Variants in RANBP3 observed in about 807,000 individuals in gnomAD.
RANBP3 encodes ran-binding protein 3.
A neutral mutation model predicts 77.3 loss-of-function variants in RANBP3; 14 were observed. That is an observed-to-expected ratio of 0.18 (90% CI 0.12 to 0.28). The LOEUF is 0.28. Ranked by LOEUF, RANBP3 falls within the 10% of genes least tolerant of loss-of-function variation. The pLI, the probability that RANBP3 is intolerant of heterozygous loss-of-function variation, is 1.00. For synonymous variants in RANBP3, 315 were observed against 312.4 expected, an observed-to-expected ratio of 1.01 and a Z score of -0.09; for missense variants, 586 against 752.3, an observed-to-expected ratio of 0.78 and a Z score of 2.59.
rs896299322 is a variant in RANBP3 at position 5,924,676 on chromosome 19, C to G, written c.996+151G>C. The stretch of plus-strand genomic sequence containing the variant: ...GCCCTGGCCAGTTTTCAGGCTGAGT[C>G]TGAGCAGGGTCTTCCCTCTCTCACT... On this transcript the variant is annotated intron_variant, in intron 11 of 16. Coordinates refer to ENST00000340578, the MANE Select transcript of RANBP3 (RefSeq NM_007322.3). This position sits in a 1 kb window ranked among gnomAD's most constrained non-coding sequence, Gnocchi z 4.7. The G allele has an allele frequency of 2.8e-5, 23 of 816,538 alleles. No individual in the cohort carries two copies. Among genetic ancestry groups the G allele is most frequent in the Non-Finnish European group, 2.0e-6 (1 of 489,080 alleles). 50.6% of individuals were successfully genotyped at this position (816,538 alleles called of 1,614,324 possible).
chr19:5,923,236 C>T lies in RANBP3; in HGVS notation c.1167G>A (p.Val389=). The T allele has an allele frequency of 6.2e-7, 1 of 1,614,264 alleles. No individual in the cohort carries two copies. The highest frequency in any genetic ancestry group is 1.7e-5 in the Admixed American group (1 of 60,036). ...ATARKCLLEK[V]EVITGEEAES... is the part of the protein sequence containing the mutation. ...CCGCCTCCTCCCCGGTGATGACTTC[C>T]ACTTTTTCCAACAAACACTTCCGCG... is the stretch of plus-strand genomic sequence containing the variant. Residue 389 remains valine (V), a synonymous_variant, in exon 13 of 17, where the codon GTG becomes GTA. Coordinates refer to ENST00000340578, the MANE Select transcript of RANBP3 (RefSeq NM_007322.3).
rs964438354 is a variant in RANBP3 at position 5,952,556 on chromosome 19, G to A, written c.79-960C>T. ...GTCCCCAAACCTCCCTCTTGGCATCGTCCAACGACATGGAGCCATTTCTCG... is the reference window on the plus strand; with the variant it reads ...GTCCCCAAACCTCCCTCTTGGCATCATCCAACGACATGGAGCCATTTCTCG... On this transcript the variant is annotated intron_variant, in intron 2 of 16. Coordinates refer to ENST00000340578, the MANE Select transcript of RANBP3 (RefSeq NM_007322.3). This position sits in a 1 kb window ranked among gnomAD's most constrained non-coding sequence, Gnocchi z 4.1. Among the ~76,000 whole-genome samples the A allele has an allele frequency of 1.1e-4, 17 of 152,282 alleles. No individual in the cohort carries two copies. Among genetic ancestry groups the A allele is most frequent in the African/African-American group, 4.1e-4 (17 of 41,552 alleles).
intron 1 of RANBP3, chr19:5,965,788 T>C (rs1314994579): frequency 1.3e-5 from 2 of 151,910 alleles, no homozygotes; most frequent in African/African-American, 4.8e-5. Flanking sequence ...CATCCACAAA[T>C]GGGGTCTCCC....
intron 3 of RANBP3, 120 bp from the exon 4 acceptor site, chr19:5,941,955 G>C (rs1461320358): frequency 1.4e-5 from 15 of 1,111,018 alleles, no homozygotes; most frequent in Middle Eastern, 2.9e-4. Context: ...CCAGAGCCCA[G>C]CACCCGAATG....
chr19:5,919,869 CCA>C (rs1046369784), intron 14 of RANBP3, among the ~76,000 whole-genome samples: 3 of 149,470 alleles, frequency 2.0e-5, no homozygotes, highest in Non-Finnish European at 4.4e-5. Context: ...CCACTGCACT[CCA>C]GACTGGGCAA....
chr19:5,961,492 G>A (rs148527431), intron 1 of RANBP3, among the ~76,000 whole-genome samples: 384 of 152,160 alleles, frequency 2.5e-3, no homozygotes, highest in African/African-American at 8.9e-3. Context: ...CAGCATTTTG[G>A]GAGGCCGAGG....
At chr19:5,953,258 T>G (rs1271134832) in intron 2 of RANBP3, among the ~76,000 whole-genome samples, 4 of 152,220 alleles carry the variant, frequency 2.6e-5, no homozygotes, top group Admixed American at 2.0e-4. Flanking sequence ...GTCCTAGCAT[T>G]TCTCCTGGGC....
intron 1 of RANBP3, among the ~76,000 whole-genome samples, chr19:5,960,320 C>T (rs377612002): frequency 6.7e-4 from 102 of 152,330 alleles, no homozygotes; most frequent in African/African-American, 2.4e-3. Context: ...GAGAGAGGCG[C>T]GGTCCAGCCA....
rs2058286238 is a variant in RANBP3 at position 5,952,336 on chromosome 19, G to T, written c.79-740C>A. Among the ~76,000 whole-genome samples the T allele has an allele frequency of 1.3e-5, 2 of 152,122 alleles. No homozygotes were observed. The highest frequency in any genetic ancestry group is 6.5e-5 in the Admixed American group (1 of 15,270). ...TGCATCCTCAACACCCCAGGCAAGGGCTCATTTGGAAAGCTGCCAAGGTGA... is the reference window on the plus strand; with the variant it reads ...TGCATCCTCAACACCCCAGGCAAGGTCTCATTTGGAAAGCTGCCAAGGTGA... On this transcript the variant is annotated intron_variant, in intron 2 of 16. Transcript: ENST00000340578. This position sits in a 1 kb window ranked among gnomAD's most constrained non-coding sequence, Gnocchi z 4.1.
chr19:5,943,928 G>A (rs777243310), intron 3 of RANBP3, among the ~76,000 whole-genome samples: 6 of 152,234 alleles, frequency 3.9e-5, no homozygotes, highest in African/African-American at 9.6e-5. Flanking sequence ...CCAAAAGCAC[G>A]AGGGGTGCAG....
At chr19:5,978,024 C>T (rs931536183) in intron 1 of RANBP3, 37 bp downstream of exon 1, 15 of 1,608,060 alleles carry the variant, frequency 9.3e-6, no homozygotes, top group Admixed American at 3.4e-5. Flanking sequence ...CGCCCGTTCC[C>T]CGGCCGCCAG....
intron 12 of RANBP3, among the ~76,000 whole-genome samples, chr19:5,923,551 G>A (rs775217008): frequency 7.2e-5 from 11 of 152,148 alleles, no homozygotes; most frequent in Non-Finnish European, 1.5e-4. Context: ...GCAGTCGACG[G>A]GGGGACAGTG....
intron 15 of RANBP3, 117 bp from the exon 16 acceptor site, chr19:5,918,097 G>A (rs1358430218): frequency 8.3e-7 from 1 of 1,206,350 alleles, no homozygotes; most frequent in Non-Finnish European, 1.1e-6. Flanking sequence ...AAGGCCTTGT[G>A]GGGAGGCCAT....
intron 5 of RANBP3, among the ~76,000 whole-genome samples, chr19:5,939,313 A>G (rs1331651233): frequency 6.6e-6 from 1 of 152,244 alleles, no homozygotes; most frequent in African/African-American, 2.4e-5. Context: ...GCTTGCAGAA[A>G]CAAACATGAG....
rs921136826 is a variant in RANBP3 at position 5,917,220 on chromosome 19, A to T, written c.*390T>A. On this transcript the variant is annotated 3_prime_UTR_variant, in exon 17 of 17. Coordinates refer to ENST00000340578, the MANE Select transcript of RANBP3 (RefSeq NM_007322.3). ...GCTCCCCACAAAGGCAGGGCCCCAC[A>T]GCAGGGTGGGAAGGGTGTGGGTGGC... 1.3e-5 allele frequency: 4 copies of T among 318,610 alleles called. No individual in the cohort carries two copies. The highest frequency in any genetic ancestry group is 1.1e-4 in the East Asian group (1 of 9,456). The allele number at this position is 318,610 out of a possible 1,614,324, so 19.7% of individuals were successfully genotyped here.
rs540825847 is a variant in RANBP3 at position 5,923,062 on chromosome 19, C to T, written c.1209+132G>A. On this transcript the variant is annotated intron_variant, in intron 13 of 16. Coordinates refer to ENST00000340578, the MANE Select transcript of RANBP3 (RefSeq NM_007322.3). ...AAACGCCACCAACAAAGTCCCAGAG[C>T]GTGGGGCCAGTGGCCCCTCCGTCAT... The T allele has an allele frequency of 1.8e-4, 127 of 689,556 alleles. No homozygotes were observed. The Middle Eastern group carries it at 4.9e-3, about 27-fold the overall frequency. 42.7% of individuals were successfully genotyped at this position (689,556 alleles called of 1,614,324 possible).
rs556751462 is a variant in RANBP3, at chr19:5,918,027, C to G, written c.1474-47G>C. The G allele has an allele frequency of 2.4e-4, 360 of 1,522,638 alleles. 4 individuals carry two copies. Among genetic ancestry groups the G allele is most frequent in the Middle Eastern group, 1.1e-3 (6 of 5,612 alleles). 94.3% of individuals were successfully genotyped at this position (1,522,638 alleles called of 1,614,324 possible). A position where few individuals can be genotyped will look rare whatever the true frequency, so the allele number is the denominator to read the frequency against. ...AGACCCCCGGACCCCAGTCCTACCC[C>G]CTCCTGCCTTCTGCAGAACACAAGT... On this transcript the variant is annotated intron_variant, in intron 15 of 16. Transcript: ENST00000340578.
At chr19:5,934,779 G>T (rs1419461467) in intron 5 of RANBP3, among the ~76,000 whole-genome samples, 1 of 152,210 alleles carries the variant, frequency 6.6e-6, no homozygotes, top group African/African-American at 2.4e-5. Flanking sequence ...GGTTACAGTT[G>T]AGTTACGACT....
chr19:5,965,768 A>G (rs1247557689), intron 1 of RANBP3: 2 of 152,238 alleles, frequency 1.3e-5, no homozygotes, highest in East Asian at 3.8e-4. Context: ...CATGATATGC[A>G]CAGCAAAGGC....
Sources: gnomAD v4.1 joint callset for allele counts (sites outside exome capture counted in the v4.1 genomes callset) on GRCh38, gnomAD v4.1.1 for gene constraint, Gnocchi (gnomAD v3.1) non-coding constraint, MANE v1.5 for transcripts, NCBI Gene and HGNC (gene_info 2026-07-23, HGNC 2026-07-21) for gene names.